The following CACNG5 variants were observed in gnomAD, a reference collection of about 807,000 sequenced individuals.
CACNG5 encodes calcium voltage-gated channel auxiliary subunit gamma 5.
In CACNG5, 18 loss-of-function variants were observed where a neutral mutation model predicts 24.8. The observed-to-expected ratio is 0.73, with a 90% CI of 0.50 to 1.08. The LOEUF (loss-of-function observed/expected upper bound fraction) is 1.08. Ranked by LOEUF, CACNG5 falls within the 50% of genes least tolerant of loss-of-function variation. CACNG5 has a pLI of 0.00. For missense variants in CACNG5, 349 were observed against 367.9 expected (o/e 0.95, Z 0.42); for synonymous variants, 157 against 149.1 (o/e 1.05, Z -0.39).
rs145306915 is a variant in CACNG5 at position 66,871,704 on chromosome 17, A to G, written c.-103-5526A>G. ...AAGCTCCTGTTTCTACTAAAAATAC[A>G]AAAAAATTAGCCGGGCGTGGTGGCA... On this transcript the variant is annotated intron_variant, in intron 1 of 5. Transcript: ENST00000533854. 1.2e-3 allele frequency among the ~76,000 whole-genome samples: 178 copies of G among 152,138 alleles called. 1 individual carries two copies. In the Middle Eastern group the frequency reaches 0.021, roughly 18 times the overall value.
chr17:66,883,173 C>T (rs943943666), intron 4 of CACNG5, among the ~76,000 whole-genome samples: 1 of 152,182 alleles, frequency 6.6e-6, no homozygotes, highest in Non-Finnish European at 1.5e-5. Flanking sequence ...GATATTTCCA[C>T]GAAGTCTATG....
Position 66,889,459 on chromosome 17 carries a change from G to A in CACNG5, c.*4219G>A, listed in dbSNP as rs531228632. Among the ~76,000 whole-genome samples the A allele has an allele frequency of 5.5e-4, 84 of 152,316 alleles. No individual in the cohort carries two copies. Among genetic ancestry groups the A allele is most frequent in the African/African-American group, 2.0e-3 (83 of 41,568 alleles). On this transcript the variant is annotated 3_prime_UTR_variant, in exon 6 of 6. Transcript: ENST00000533854. ...GGGGGCACCCCTCCTTAATGTTTGA[G>A]TAACTCTCCCTTCTCCCTAGATACA...
intron 2 of CACNG5, 41 bp from the exon 3 acceptor site, chr17:66,878,931 T>A: frequency 6.7e-7 from 1 of 1,499,560 alleles, no homozygotes; most frequent in Non-Finnish European, 9.3e-7. Context: ...TTCAAATCCA[T>A]GTTCAAGAGG....
In CACNG5 at chr17:66,877,271, C is replaced by A; in HGVS notation, c.-62C>A. On this transcript the variant is annotated 5_prime_UTR_variant, in exon 2 of 6. Transcript: ENST00000533854. ...ACCTGCTCACCCACTCTCCCTAGCCCCAGAGCGCAGTCCGTGCTGGTGGGA... is the reference window on the plus strand; with the variant it reads ...ACCTGCTCACCCACTCTCCCTAGCCACAGAGCGCAGTCCGTGCTGGTGGGA... 1 of 1,455,146 alleles carries A rather than the reference C, an allele frequency of 6.9e-7. No individual in the cohort carries two copies. Among genetic ancestry groups the A allele is most frequent in the Admixed American group, 1.7e-5 (1 of 57,446 alleles). The allele number at this position is 1,455,146 out of a possible 1,614,324, so 90.1% of individuals were successfully genotyped here. A position where few individuals can be genotyped will look rare whatever the true frequency, so the allele number is the denominator to read the frequency against.
chr17:66,835,425 G>T (rs1306791592), intron 1 of CACNG5, among the ~76,000 whole-genome samples, 175 bp downstream of exon 1: 1 of 152,218 alleles, frequency 6.6e-6, no homozygotes, highest in African/African-American at 2.4e-5. Flanking sequence ...GCAGTGTGGT[G>T]GGGAGCGCGG....
At chr17:66,862,906 G>C (rs202142396) in intron 1 of CACNG5, among the ~76,000 whole-genome samples, 35,474 of 149,796 alleles carry the variant, frequency 0.24, 5,341 homozygotes, top group East Asian at 0.67. Context: ...GTGTGTGTGT[G>C]TGTGTGTGTG....
intron 1 of CACNG5, among the ~76,000 whole-genome samples, chr17:66,838,930 T>A (rs900770696): frequency 3.4e-5 from 5 of 147,718 alleles, no homozygotes; most frequent in Admixed American, 6.7e-5. Context: ...ATCCATGAGA[T>A]GCCAGTAGCA....
rs1249244410 is a variant in CACNG5, at chr17:66,893,166, G to A, written c.*7926G>A. Among the ~76,000 whole-genome samples the A allele has an allele frequency of 3.3e-5, 5 of 152,156 alleles. No homozygotes were observed. Among genetic ancestry groups the A allele is most frequent in the Non-Finnish European group, 5.9e-5 (4 of 68,030 alleles). On this transcript the variant is annotated 3_prime_UTR_variant, in exon 6 of 6. Coordinates refer to ENST00000533854, the MANE Select transcript of CACNG5 (RefSeq NM_145811.3). ...ATATTTGCACTGCTCTGCTCTGCAAGTCCTGTTTCAAGTGCACCCCCAAGA... is the reference window on the plus strand; with the variant it reads ...ATATTTGCACTGCTCTGCTCTGCAAATCCTGTTTCAAGTGCACCCCCAAGA...
In CACNG5 at chr17:66,878,981, G is replaced by A. The variant is rs758742270; in HGVS notation, c.206G>A (p.Arg69Gln). The change falls in exon 3 of 6, where the codon CGG becomes CAG. Residue 69 changes from arginine (R) to glutamine (Q), a missense_variant. Arg to Gln is a conservative substitution (Grantham distance 43). Transcript: ENST00000533854. ...ATTCTTGTCTCCACAGGTGAGGAGC[G>A]GGGGCGTTGCTTCACCATAGAATAT... ...WRVCFLAGEE[R>Q]GRCFTIEYVM... 123 of 1,612,402 alleles carry A rather than the reference G, an allele frequency of 7.6e-5. No homozygotes were observed. Among genetic ancestry groups the A allele is most frequent in the Non-Finnish European group, 9.4e-5 (111 of 1,178,898 alleles).
chr17:66,867,456 C>T (rs1337696184), intron 1 of CACNG5, among the ~76,000 whole-genome samples: 1 of 152,144 alleles, frequency 6.6e-6, no homozygotes, highest in Non-Finnish European at 1.5e-5. Context: ...TTTTGCTGTG[C>T]AGAACCTCTT....
At chr17:66,857,266 G>A (rs912648901) in intron 1 of CACNG5, among the ~76,000 whole-genome samples, 2 of 151,638 alleles carry the variant, frequency 1.3e-5, no homozygotes, top group African/African-American at 4.8e-5. Context: ...GGCTGGTCTT[G>A]AACTCCCAAC....
chr17:66,884,512 C>T lies in CACNG5; in HGVS notation c.425-4C>T. 1 of 1,604,226 alleles carries T rather than the reference C, an allele frequency of 6.2e-7. No individual in the cohort carries two copies. The highest frequency in any genetic ancestry group is 8.5e-7 in the Non-Finnish European group (1 of 1,174,222). ...GCATCCCCTCTCCCCTGCTGCCCAACCAGGCCTCTCTCTCGTGGTGGGCCT... is the reference window on the plus strand; with the variant it reads ...GCATCCCCTCTCCCCTGCTGCCCAATCAGGCCTCTCTCTCGTGGTGGGCCT... On this transcript the variant is annotated splice_region_variant and splice_polypyrimidine_tract_variant and intron_variant, in intron 4 of 5. Transcript: ENST00000533854.
Position 66,877,326 on chromosome 17 carries a change from C to A in CACNG5, c.-7C>A. ...GGCGACTAGTTGCACAGCAACGGTC[C>A]AGGAAGATGAGTGCCTGCGGGAGGA... On this transcript the variant is annotated 5_prime_UTR_variant, in exon 2 of 6. Coordinates refer to ENST00000533854, the MANE Select transcript of CACNG5 (RefSeq NM_145811.3). 6.2e-7 allele frequency: 1 copy of A among 1,612,600 alleles called. No individual in the cohort carries two copies. Among genetic ancestry groups the A allele is most frequent in the Non-Finnish European group, 8.5e-7 (1 of 1,179,050 alleles).
rs548330236 is a variant in CACNG5 at position 66,877,747 on chromosome 17, C to T, written c.196+219C>T. ...CATTTGAGCCAGTCTTTTCACCTCCCAGGTCTTCCTTCCTGAAAGATGAAT... is the reference window on the plus strand; with the variant it reads ...CATTTGAGCCAGTCTTTTCACCTCCTAGGTCTTCCTTCCTGAAAGATGAAT... On this transcript the variant is annotated intron_variant, in intron 2 of 5. Transcript: ENST00000533854. Among the ~76,000 whole-genome samples the T allele has an allele frequency of 1.3e-4, 20 of 152,324 alleles. No individual in the cohort carries two copies. The East Asian group carries it at 3.7e-3, about 28-fold the overall frequency.
In CACNG5 at chr17:66,880,548, GTTAA is replaced by G. The variant is rs1568072525; in HGVS notation, c.284-5_284-2del. The G allele has an allele frequency of 6.2e-7, 1 of 1,614,122 alleles. No individual in the cohort carries two copies. Among genetic ancestry groups the G allele is most frequent in the Admixed American group, 1.7e-5 (1 of 60,028 alleles). Reference sequence around the variant, plus strand: ...GGCTGACAGGCCGCCCTTTTGTCCCGTTAATTAGAGATGATCCGCTCAGCCACAC... The same window carrying G: ...GGCTGACAGGCCGCCCTTTTGTCCCGTTAGAGATGATCCGCTCAGCCACAC... On this transcript the variant is annotated splice_region_variant and splice_polypyrimidine_tract_variant and intron_variant, in intron 3 of 5. Coordinates refer to ENST00000533854, the MANE Select transcript of CACNG5 (RefSeq NM_145811.3).
At chr17:66,870,514 G>A (rs573592249) in intron 1 of CACNG5, among the ~76,000 whole-genome samples, 1 of 152,320 alleles carries the variant, frequency 6.6e-6, no homozygotes, top group South Asian at 2.1e-4. Context: ...ATAGCCCCCA[G>A]CAACAAAGAA....
chr17:66,865,796 ATTTTTTTTTTTT>A (rs35187215), intron 1 of CACNG5, among the ~76,000 whole-genome samples: 1 of 129,838 alleles, frequency 7.7e-6, no homozygotes, highest in Non-Finnish European at 1.6e-5. Flanking sequence ...TGCACGGCTA[ATTTTTTTTTTTT>A]TTTTTTGTAT....
intron 1 of CACNG5, among the ~76,000 whole-genome samples, chr17:66,848,026 G>T (rs964168729): frequency 3.3e-5 from 5 of 152,214 alleles, no homozygotes; most frequent in African/African-American, 1.2e-4. Flanking sequence ...GTTTCCTGGA[G>T]AAGGGTGGGA....
At chr17:66,839,207 G>A (rs112284074) in intron 1 of CACNG5, among the ~76,000 whole-genome samples, 5,815 of 151,698 alleles carry the variant, frequency 0.038, 133 homozygotes, top group Non-Finnish European at 0.059. Context: ...TGATCCACCC[G>A]CCTCGGCTTC....
Sources: gnomAD v4.1 joint callset for allele counts (sites outside exome capture counted in the v4.1 genomes callset) on GRCh38, gnomAD v4.1.1 for gene constraint, MANE v1.5 for transcripts, NCBI Gene and HGNC (gene_info 2026-07-23, HGNC 2026-07-21) for gene names.